Variants in CCR3 observed in about 807,000 individuals in gnomAD.
CCR3 encodes C-C chemokine receptor type 3.
For synonymous variants in CCR3, 203 were observed against 179.2 expected (o/e 1.13, Z -1.06); for missense variants, 419 against 437.5 (o/e 0.96, Z 0.38).
chr3:46,260,900 C>T (rs765375813), intron 1 of CCR3, among the ~76,000 whole-genome samples: 5 of 152,302 alleles, frequency 3.3e-5, no homozygotes, highest in Non-Finnish European at 5.9e-5. Flanking sequence ...TCTAGTTTTG[C>T]ATCAGTGTAC....
At chr3:46,264,939 G>A (rs1031055570) in intron 1 of CCR3, among the ~76,000 whole-genome samples, 20 of 151,992 alleles carry the variant, frequency 1.3e-4, no homozygotes, top group Admixed American at 2.0e-4. Context: ...CCCATGCCGG[G>A]TCATGCTAAC....
intron 1 of CCR3, among the ~76,000 whole-genome samples, chr3:46,261,565 A>T (rs572668594): frequency 6.6e-6 from 1 of 152,336 alleles, no homozygotes; most frequent in South Asian, 2.1e-4. Context: ...GAAAGGAAGC[A>T]GTCACACCTG....
chr3:46,218,195 T>C (rs1169302724), intron 2 of CCR3, among the ~76,000 whole-genome samples: 1 of 152,032 alleles, frequency 6.6e-6, no homozygotes, highest in Non-Finnish European at 1.5e-5. Flanking sequence ...AGCAAACTTA[T>C]GTGCACAAAC....
At chr3:46,240,761 A>G (rs1478018739), upstream of CCR3, among the ~76,000 whole-genome samples, 1 of 152,234 alleles carries the variant, frequency 6.6e-6, no homozygotes, top group East Asian at 1.9e-4. Flanking sequence ...CACAGATCCT[A>G]CAAGCTAGGC....
chr3:46,244,487 G>T (rs542041396), intron 1 of CCR3, among the ~76,000 whole-genome samples: 39 of 152,274 alleles, frequency 2.6e-4, no homozygotes, highest in African/African-American at 9.1e-4. Flanking sequence ...GGGAGATAAG[G>T]GTGGGGCCGT....
intron 2 of CCR3, among the ~76,000 whole-genome samples, chr3:46,218,200 A>C (rs1451511660): frequency 2.0e-5 from 3 of 152,136 alleles, no homozygotes; most frequent in Non-Finnish European, 4.4e-5. Flanking sequence ...ACTTATGTGC[A>C]CAAACTAGAA....
intron 2 of CCR3, among the ~76,000 whole-genome samples, chr3:46,214,235 CA>C (rs1279920984): frequency 6.6e-6 from 1 of 152,118 alleles, no homozygotes; most frequent in East Asian, 1.9e-4. Flanking sequence ...AAATGAAAGC[CA>C]TCAGAAGAAA....
At chr3:46,218,309 G>T (rs948663310) in intron 2 of CCR3, among the ~76,000 whole-genome samples, 1 of 150,518 alleles carries the variant, frequency 6.6e-6, no homozygotes, top group Non-Finnish European at 1.5e-5. Context: ...CAAGCAGCAA[G>T]ATTAAAATGG....
chr3:46,239,337 A>G (rs1251492040), upstream of CCR3, among the ~76,000 whole-genome samples: 2 of 152,206 alleles, frequency 1.3e-5, no homozygotes, highest in African/African-American at 4.8e-5. Flanking sequence ...AGGAAATACT[A>G]TAATTTGTTG....
chr3:46,265,740 C>A lies in CCR3; in HGVS notation c.582C>A (p.Ser194Arg). 6.2e-7 allele frequency: 1 copy of A among 1,613,820 alleles called. No homozygotes were observed. The highest frequency in any genetic ancestry group is 8.5e-7 in the Non-Finnish European group (1 of 1,179,954). ...SALYPEDTVY[S>R]WRHFHTLRMT... is the part of the protein sequence containing the mutation. ...TTTACCCAGAGGATACAGTATATAGCTGGAGGCATTTCCACACTCTGAGAA... is the reference window on the plus strand; with the variant it reads ...TTTACCCAGAGGATACAGTATATAGATGGAGGCATTTCCACACTCTGAGAA... The change falls in exon 2 of 2, where the codon AGC becomes AGA. Residue 194 changes from serine (S) to arginine (R), a missense_variant. Transcript: ENST00000395940.
intron 2 of CCR3, among the ~76,000 whole-genome samples, chr3:46,219,189 C>T (rs1699807198): frequency 6.6e-6 from 1 of 152,076 alleles, no homozygotes; most frequent in Non-Finnish European, 1.5e-5. Context: ...CAACAGCAAC[C>T]AAGCTGAGAA....
chr3:46,231,909 G>C (rs540835356), intron 2 of CCR3, among the ~76,000 whole-genome samples: 1 of 152,110 alleles, frequency 6.6e-6, no homozygotes, highest in African/African-American at 2.4e-5. Context: ...TGCATTTCCA[G>C]GGGCCCATGT....
In CCR3 at chr3:46,255,834, G is replaced by A. The variant is rs143504154; in HGVS notation, c.-11-9314G>A. On this transcript the variant is annotated intron_variant, in intron 1 of 1. Coordinates refer to ENST00000395940, the MANE Select transcript of CCR3 (RefSeq NM_178329.3). ...ATAGTGTAGTTTGAAGCTGGGTAAC[G>A]TGATGCCTCCAGGTTTGTTCTTTTT... Among the ~76,000 whole-genome samples, 62 of 152,118 alleles carry A rather than the reference G, an allele frequency of 4.1e-4. No individual in the cohort carries two copies. The East Asian group carries it at 9.8e-3, about 24-fold the overall frequency.
intron 2 of CCR3, among the ~76,000 whole-genome samples, chr3:46,219,229 C>T (rs1699807380): frequency 6.6e-6 from 1 of 151,876 alleles, no homozygotes; most frequent in Non-Finnish European, 1.5e-5. Context: ...CCTTTTATAA[C>T]AGCTGCAAAA....
intron 2 of CCR3, among the ~76,000 whole-genome samples, chr3:46,215,139 C>G (rs889973026): frequency 2.6e-5 from 4 of 152,156 alleles, no homozygotes; most frequent in Non-Finnish European, 1.5e-5. Flanking sequence ...AAGCTCCAGA[C>G]AGTCACATGT....
chr3:46,261,469 G>A (rs1700524747), intron 1 of CCR3, among the ~76,000 whole-genome samples: 1 of 152,220 alleles, frequency 6.6e-6, no homozygotes, highest in Non-Finnish European at 1.5e-5. Flanking sequence ...AACACATAGT[G>A]TTTTAAAATT....
upstream of CCR3, among the ~76,000 whole-genome samples, chr3:46,241,155 C>T (rs1205274265): frequency 7.5e-6 from 1 of 133,264 alleles, no homozygotes; most frequent in Non-Finnish European, 1.6e-5. Context: ...CTCTAATGCA[C>T]ATGTGTGTGC....
chr3:46,239,432 A>G (rs918239871), upstream of CCR3, among the ~76,000 whole-genome samples: 4 of 152,236 alleles, frequency 2.6e-5, no homozygotes, highest in South Asian at 2.1e-4. Context: ...AGCTCCTACC[A>G]TGTGCTTCAT....
intron 1 of CCR3, among the ~76,000 whole-genome samples, chr3:46,262,516 T>C (rs1338962954): frequency 2.0e-5 from 3 of 152,208 alleles, no homozygotes; most frequent in Non-Finnish European, 4.4e-5. Context: ...ACCCTATCGT[T>C]TTCCAAAATG....
Sources: allele counts gnomAD v4.1 joint callset (sites outside exome capture counted in the v4.1 genomes callset), GRCh38; gene constraint gnomAD v4.1.1; transcripts MANE v1.5; gene names NCBI Gene and HGNC (gene_info 2026-07-23, HGNC 2026-07-21).